Variants in CASZ1 observed in about 807,000 individuals in gnomAD.
CASZ1 encodes zinc finger protein castor homolog 1.
In CASZ1, 28 loss-of-function variants were observed where a neutral mutation model predicts 135.2. The ratio of observed to expected loss-of-function variants is 0.21; its 90% CI spans 0.15 to 0.28. The LOEUF is 0.28. Among genes scored for constraint, CASZ1 ranks in the 10% least tolerant of loss-of-function variants. The pLI, the probability that CASZ1 is intolerant of heterozygous loss-of-function variation, is 1.00. For synonymous variants in CASZ1, 1,068 were observed against 1,073.4 expected (o/e 0.99, Z 0.10); for missense variants, 2,161 against 2,453.3 (o/e 0.88, Z 2.52).
In CASZ1 at chr1:10,694,525, G is replaced by A. The variant is rs1189798811; in HGVS notation, c.-23-613C>T. 2.8e-5 allele frequency: 4 copies of A among 144,582 alleles called. No individual in the cohort carries two copies. Among genetic ancestry groups the A allele is most frequent in the African/African-American group, 1.0e-4 (4 of 39,732 alleles). The allele number at this position is 144,582 out of a possible 1,614,324, so 9.0% of individuals were successfully genotyped here. A position where few individuals can be genotyped will look rare whatever the true frequency, so the allele number is the denominator to read the frequency against. ...CGCGGTGATTGGCAGGGCGGCCGCG[G>A]CGCCGCCTCCTCGGCCCGGCCCGCG... On this transcript the variant is annotated intron_variant, in intron 3 of 20. Transcript: ENST00000377022. The surrounding 1 kb of genome is among the most constrained non-coding windows in gnomAD (Gnocchi z 6.6).
At chr1:10,650,892 T>C (rs1310846961) in intron 12 of CASZ1, 49 bp downstream of exon 12, 1 of 1,605,566 alleles carries the variant, frequency 6.2e-7, no homozygotes, top group East Asian at 2.2e-5. Flanking sequence ...GGGCTCCAGC[T>C]CGAAGGTGTG....
chr1:10,647,656 G>T lies in CASZ1; in HGVS notation c.3497+145C>A. On this transcript the variant is annotated intron_variant, in intron 16 of 20. Coordinates refer to ENST00000377022, the MANE Select transcript of CASZ1 (RefSeq NM_001079843.3). The surrounding 1 kb of genome is among the most constrained non-coding windows in gnomAD (Gnocchi z 4.9). ...GAGCAGCAGCATCTTTGGCTAGAAG[G>T]ACATCACCCGATGGCCATGCCCCAG... 6 of 1,481,042 alleles carry T rather than the reference G, an allele frequency of 4.1e-6. No homozygotes were observed. The South Asian group carries it at 8.1e-5, about 20-fold the overall frequency. The allele number at this position is 1,481,042 out of a possible 1,614,324, so 91.7% of individuals were successfully genotyped here. A position where few individuals can be genotyped will look rare whatever the true frequency, so the allele number is the denominator to read the frequency against.
In CASZ1 at chr1:10,759,428, G is replaced by A. The variant is rs1364131678; in HGVS notation, c.-77+1273C>T. Among the ~76,000 whole-genome samples the A allele has an allele frequency of 6.6e-6, 1 of 152,122 alleles. No individual in the cohort carries two copies. The highest frequency in any genetic ancestry group is 1.5e-5 in the Non-Finnish European group (1 of 68,024). On this transcript the variant is annotated intron_variant, in intron 2 of 20. Coordinates refer to ENST00000377022, the MANE Select transcript of CASZ1 (RefSeq NM_001079843.3). The surrounding 1 kb of genome is among the most constrained non-coding windows in gnomAD (Gnocchi z 4.2). ...GACAACGGCAGCACATCCTAAGTAC[G>A]ACAGACCAACTTCAGGAGCATGATC...
At chr1:10,768,798 G>A (rs1005850134) in intron 1 of CASZ1, among the ~76,000 whole-genome samples, 5 of 152,174 alleles carry the variant, frequency 3.3e-5, no homozygotes, top group Admixed American at 6.5e-5. Flanking sequence ...GGCAGAAACC[G>A]CTGGTGACCA....
chr1:10,712,798 G>A (rs377671529), intron 2 of CASZ1, among the ~76,000 whole-genome samples: 21 of 152,350 alleles, frequency 1.4e-4, no homozygotes, highest in African/African-American at 5.1e-4. Context: ...CTCCTGTGCG[G>A]ATCCCAATAC....
intron 2 of CASZ1, among the ~76,000 whole-genome samples, chr1:10,730,701 A>C (rs1284876729): frequency 6.6e-6 from 1 of 152,260 alleles, no homozygotes; most frequent in East Asian, 1.9e-4. Flanking sequence ...CTTTCCAGTG[A>C]AAATCAGACT....
chr1:10,674,874 T>C (rs1643515956), intron 4 of CASZ1, among the ~76,000 whole-genome samples: 1 of 152,236 alleles, frequency 6.6e-6, no homozygotes, highest in African/African-American at 2.4e-5. Context: ...AGTCTGGAGC[T>C]GACCAGTGGG....
intron 1 of CASZ1, among the ~76,000 whole-genome samples, chr1:10,781,442 C>T (rs930571145): frequency 6.6e-6 from 1 of 152,168 alleles, no homozygotes; most frequent in East Asian, 1.9e-4. Flanking sequence ...GTCAGCTCCT[C>T]CCTGGGCAGG....
Position 10,735,962 on chromosome 1 carries a change from G to A in CASZ1, c.-77+24739C>T, listed in dbSNP as rs17035645. On this transcript the variant is annotated intron_variant, in intron 2 of 20. Transcript: ENST00000377022. The surrounding 1 kb of genome is among the most constrained non-coding windows in gnomAD (Gnocchi z 5.1). ...CCACTCTCTCCTACCCAGGGGCAGGGCAGTTTGACCTCCTTAAGACAGGGG... is the reference window on the plus strand; with the variant it reads ...CCACTCTCTCCTACCCAGGGGCAGGACAGTTTGACCTCCTTAAGACAGGGG... Among the ~76,000 whole-genome samples the A allele has an allele frequency of 0.017, 2,653 of 152,260 alleles. 88 individuals are homozygous for A. Among genetic ancestry groups the A allele is most frequent in the African/African-American group, 0.061 (2,521 of 41,536 alleles).
At position 10,727,075 on chromosome 1, in the gene CASZ1, G is replaced by A. The variant is rs933913830; in HGVS notation, c.-76-21531C>T. On this transcript the variant is annotated intron_variant, in intron 2 of 20. Coordinates refer to ENST00000377022, the MANE Select transcript of CASZ1 (RefSeq NM_001079843.3). The surrounding 1 kb of genome is among the most constrained non-coding windows in gnomAD (Gnocchi z 5.3). The stretch of plus-strand genomic sequence containing the variant: ...GCCTGTGAGTGAGGAGGACTGAAAC[G>A]AAGGCAGAGGGGGAGCCATGGGCGC... Among the ~76,000 whole-genome samples the A allele has an allele frequency of 6.6e-6, 1 of 152,144 alleles. No homozygotes were observed. The highest frequency in any genetic ancestry group is 2.4e-5 in the African/African-American group (1 of 41,418).
At chr1:10,714,991 C>T (rs1490620736) in intron 2 of CASZ1, among the ~76,000 whole-genome samples, 1 of 152,222 alleles carries the variant, frequency 6.6e-6, no homozygotes, top group Admixed American at 6.5e-5. Context: ...GCCGCTCAGC[C>T]GCGGGCCTAA....
rs146474475 is a variant in CASZ1 at position 10,794,452 on chromosome 1, G to A, written c.-234+2112C>T. ...CCACTCGGTCAGAAACGCACACTCC[G>A]CCCCGTGGCCCAGTGATCCAGGTTT... On this transcript the variant is annotated intron_variant, in intron 1 of 20. Transcript: ENST00000377022. This position sits in a 1 kb window ranked among gnomAD's most constrained non-coding sequence, Gnocchi z 5.6. Among the ~76,000 whole-genome samples the A allele has an allele frequency of 1.9e-3, 280 of 149,638 alleles. 11 individuals carry two copies. The East Asian group carries it at 0.056, about 30-fold the overall frequency.
rs965480908 is a variant in CASZ1, at chr1:10,707,547, G to C, written c.-76-2003C>G. Among the ~76,000 whole-genome samples, 1 of 152,116 alleles carries C rather than the reference G, an allele frequency of 6.6e-6. No homozygotes were observed. Among genetic ancestry groups the C allele is most frequent in the Non-Finnish European group, 1.5e-5 (1 of 68,034 alleles). ...GTTGGTCGGGGGTGGAGGAGGGAGG[G>C]GAGGGCCAGAGATGTGTACGTACAG... On this transcript the variant is annotated intron_variant, in intron 2 of 20. Transcript: ENST00000377022. This position sits in a 1 kb window ranked among gnomAD's most constrained non-coding sequence, Gnocchi z 5.0.
intron 15 of CASZ1, 66 bp from the exon 16 acceptor site, chr1:10,648,205 T>A: frequency 8.4e-7 from 1 of 1,187,308 alleles, no homozygotes; most frequent in Non-Finnish European, 1.2e-6. Context: ...GGCATGCATG[T>A]GACCCCATCA....
chr1:10,754,315 C>T (rs540819985), intron 2 of CASZ1, among the ~76,000 whole-genome samples: 126 of 152,294 alleles, frequency 8.3e-4, no homozygotes, highest in Non-Finnish European at 1.2e-3. Flanking sequence ...TCCCTCCATC[C>T]GAATGTAAAC....
chr1:10,731,977 T>C (rs1639709495), intron 2 of CASZ1, among the ~76,000 whole-genome samples: 1 of 152,214 alleles, frequency 6.6e-6, no homozygotes. Context: ...TAATAAATAA[T>C]GATTTTTAAA....
chr1:10,643,393 G>A (rs1370603667), intron 18 of CASZ1, 82 bp from the exon 19 acceptor site: 13 of 1,462,440 alleles, frequency 8.9e-6, no homozygotes, highest in Non-Finnish European at 9.4e-6. Context: ...ACTGTTCTGG[G>A]CATGGGGGCA....
chr1:10,681,121 G>C (rs60977099), intron 4 of CASZ1, among the ~76,000 whole-genome samples: 1 of 151,984 alleles, frequency 6.6e-6, no homozygotes, highest in Non-Finnish European at 1.5e-5. Flanking sequence ...GGCTGGTTTC[G>C]AACTTCCAGC....
chr1:10,645,358 G>A (rs1379117105), intron 17 of CASZ1, among the ~76,000 whole-genome samples: 2 of 152,132 alleles, frequency 1.3e-5, no homozygotes, highest in Admixed American at 6.5e-5. Flanking sequence ...GTGAAACCCC[G>A]TCTCTACTAA....
Sources: allele counts gnomAD v4.1 joint callset (sites outside exome capture counted in the v4.1 genomes callset), GRCh38; gene constraint gnomAD v4.1.1; non-coding constraint Gnocchi (gnomAD v3.1); transcripts MANE v1.5; gene names NCBI Gene and HGNC (gene_info 2026-07-23, HGNC 2026-07-21).